KDM4C: variants seen among roughly 807,000 people sequenced by gnomAD.
The protein encoded by KDM4C is lysine-specific demethylase 4C.
In KDM4C, 81 loss-of-function variants were observed where a neutral mutation model predicts 129.3. The observed-to-expected ratio is 0.63, with a 90% CI of 0.52 to 0.75. KDM4C has a LOEUF of 0.75. KDM4C is among the 30% of genes least tolerant of loss of function. KDM4C has a pLI of 0.00. For synonymous variants in KDM4C, 573 were observed against 456.1 expected (o/e 1.26, Z -3.26); for missense variants, 1,457 against 1,304.0 (o/e 1.12, Z -1.81).
At chr9:6,721,296 G>A in intron 1 of KDM4C, 1 of 90,262 alleles carries the variant, frequency 1.1e-5, no homozygotes, top group South Asian at 4.1e-4. Flanking sequence ...TTTTTTTTGA[G>A]ACAGAGTCTC....
chr9:7,132,395 G>A (rs1840736983), intron 19 of KDM4C, among the ~76,000 whole-genome samples: 1 of 151,940 alleles, frequency 6.6e-6, no homozygotes, highest in African/African-American at 2.4e-5. Context: ...GGAGCAGTAA[G>A]GAGAAACGCT....
chr9:6,734,897 T>C, intron 1 of KDM4C: 1 of 565,682 alleles, frequency 1.8e-6, no homozygotes. Context: ...CAATGGAAGG[T>C]AGTCCCCAGT....
chr9:6,747,183 ACT>A (rs938812032), intron 1 of KDM4C, among the ~76,000 whole-genome samples: 13 of 149,026 alleles, frequency 8.7e-5, no homozygotes, highest in African/African-American at 3.3e-4. Flanking sequence ...ATAGAGCAAG[ACT>A]CTGTCTCCAA....
chr9:6,851,211 T>C (rs1414969075), intron 5 of KDM4C, among the ~76,000 whole-genome samples: 1 of 152,184 alleles, frequency 6.6e-6, no homozygotes, highest in Non-Finnish European at 1.5e-5. Flanking sequence ...CCTCCTGGGC[T>C]CAAGTGATCC....
chr9:6,826,042 C>T (rs983067949), intron 4 of KDM4C, among the ~76,000 whole-genome samples: 1 of 152,172 alleles, frequency 6.6e-6, no homozygotes, highest in African/African-American at 2.4e-5. Flanking sequence ...AAACTCCTGG[C>T]TTCAAGTGAT....
chr9:6,883,931 C>G (rs138760951), intron 6 of KDM4C, among the ~76,000 whole-genome samples: 2 of 152,226 alleles, frequency 1.3e-5, no homozygotes, highest in East Asian at 3.9e-4. Context: ...AAAAAAAACC[C>G]CATGCGTGTA....
chr9:7,027,487 G>A (rs967969263), intron 15 of KDM4C, among the ~76,000 whole-genome samples: 1 of 152,210 alleles, frequency 6.6e-6, no homozygotes, highest in African/African-American at 2.4e-5. Context: ...TAGTGTGACA[G>A]AAGACTCTCT....
chr9:6,746,484 G>C (rs549507794), intron 1 of KDM4C, among the ~76,000 whole-genome samples: 1 of 147,596 alleles, frequency 6.8e-6, no homozygotes, highest in Non-Finnish European at 1.5e-5. Flanking sequence ...AGCCAGGATG[G>C]TCTGGATCTC....
At chr9:7,002,303 C>A (rs955679578) in intron 12 of KDM4C, among the ~76,000 whole-genome samples, 4 of 147,776 alleles carry the variant, frequency 2.7e-5, no homozygotes, top group Non-Finnish European at 6.1e-5. Flanking sequence ...TGCTTAGTAC[C>A]TATCTTTGTT....
chr9:6,995,424 A>T (rs1406550119), intron 12 of KDM4C, among the ~76,000 whole-genome samples: 1 of 152,188 alleles, frequency 6.6e-6, no homozygotes, highest in East Asian at 1.9e-4. Context: ...CCTACCTTGA[A>T]TAAGGTAAAT....
At chr9:6,925,818 A>C (rs560542018) in intron 8 of KDM4C, 1 of 198,118 alleles carries the variant, frequency 5.0e-6, no homozygotes, top group South Asian at 1.8e-4. Flanking sequence ...TGGTAGCTTG[A>C]TATGATGTGG....
At chr9:7,129,332 A>G (rs1840367831) in intron 19 of KDM4C, among the ~76,000 whole-genome samples, 1 of 152,240 alleles carries the variant, frequency 6.6e-6, no homozygotes, top group African/African-American at 2.4e-5. Context: ...TATGCTGGTA[A>G]GAATGGCAAG....
chr9:7,047,089 T>C (rs1657695914), intron 16 of KDM4C, among the ~76,000 whole-genome samples, 172 bp downstream of exon 16: 1 of 152,070 alleles, frequency 6.6e-6, no homozygotes, highest in Admixed American at 6.6e-5. Context: ...TGCACTCTCA[T>C]CTCGGCAGGG....
intron 8 of KDM4C, among the ~76,000 whole-genome samples, chr9:6,934,511 A>ATAAAAT (rs1554650747): frequency 8.0e-5 from 12 of 150,078 alleles, no homozygotes; most frequent in Non-Finnish European, 1.5e-4. Flanking sequence ...TTTATCTAAA[A>ATAAAAT]TTAAATACCA....
intron 10 of KDM4C, among the ~76,000 whole-genome samples, 178 bp downstream of exon 10, chr9:6,984,582 C>A (rs1164189091): frequency 6.6e-6 from 1 of 152,178 alleles, no homozygotes; most frequent in Non-Finnish European, 1.5e-5. Context: ...AAGTCAGGAG[C>A]CTCACTGCTA....
At chr9:6,906,673 C>T (rs1264167941) in intron 8 of KDM4C, among the ~76,000 whole-genome samples, 1 of 152,192 alleles carries the variant, frequency 6.6e-6, no homozygotes, top group Non-Finnish European at 1.5e-5. Flanking sequence ...AACTCCTGGG[C>T]TCAAGTGATC....
intron 11 of KDM4C, among the ~76,000 whole-genome samples, chr9:6,988,392 A>G (rs1457299175): frequency 6.6e-6 from 1 of 152,012 alleles, no homozygotes; most frequent in Non-Finnish European, 1.5e-5. Flanking sequence ...CTTCATCTTT[A>G]TCATTTCCCC....
At chr9:7,074,914 G>A (rs1408461925) in intron 17 of KDM4C, among the ~76,000 whole-genome samples, 3 of 152,110 alleles carry the variant, frequency 2.0e-5, no homozygotes, top group Non-Finnish European at 2.9e-5. Context: ...ATGAATTTAG[G>A]AGTTTACAAA....
chr9:6,734,889 A>G (rs1817472619), intron 1 of KDM4C: 5 of 561,548 alleles, frequency 8.9e-6, no homozygotes, highest in African/African-American at 1.9e-5. Context: ...AGACTTCACA[A>G]TGGAAGGTAG....
Sources: allele counts gnomAD v4.1 joint callset (sites outside exome capture counted in the v4.1 genomes callset), GRCh38; gene constraint gnomAD v4.1.1; transcripts MANE v1.5; gene names NCBI Gene and HGNC (gene_info 2026-07-23, HGNC 2026-07-21).